Variants in MED1 observed in about 807,000 individuals in gnomAD.
MED1 encodes mediator complex subunit 1.
Under a neutral mutation model 121.3 loss-of-function variants are expected in MED1, and 17 were observed. That is an observed-to-expected ratio of 0.14 (90% CI 0.10 to 0.21). The LOEUF (loss-of-function observed/expected upper bound fraction) is 0.21. MED1 is among the 10% of genes least tolerant of loss of function. The pLI is 1.00. For synonymous variants in MED1, 661 were observed against 694.4 expected, an observed-to-expected ratio of 0.95 and a Z score of 0.76; for missense variants, 1,558 against 1,919.4, an observed-to-expected ratio of 0.81 and a Z score of 3.52.
At chr17:39,439,247 A>G (rs2048649535) in intron 5 of MED1, 54 bp from the exon 6 acceptor site, 1 of 1,391,654 alleles carries the variant, frequency 7.2e-7, no homozygotes, top group Non-Finnish European at 9.8e-7. Context: ...GCAACTTTGA[A>G]GATATCAAAA....
chr17:39,450,618 G>A (rs974991138), intron 1 of MED1, among the ~76,000 whole-genome samples: 1 of 152,276 alleles, frequency 6.6e-6, no homozygotes, highest in East Asian at 1.9e-4. Flanking sequence ...CACAGGATCT[G>A]AACACTTGAC....
intron 12 of MED1, 94 bp downstream of exon 12, chr17:39,423,603 G>T (rs1012405909): frequency 3.3e-6 from 5 of 1,535,958 alleles, no homozygotes; most frequent in Non-Finnish European, 3.6e-6. Flanking sequence ...ACTTCAATGA[G>T]GCATGTAAGA....
intron 10 of MED1, among the ~76,000 whole-genome samples, chr17:39,425,854 CAAT>C (rs1301700968): frequency 6.6e-6 from 1 of 150,964 alleles, no homozygotes; most frequent in Non-Finnish European, 1.5e-5. Context: ...TCTAATCAAC[CAAT>C]AATTTTTGTC....
chr17:39,408,459 C>G lies in MED1; in HGVS notation c.3762G>C (p.Ser1254=), dbSNP rs751226812. 6.2e-6 allele frequency: 10 copies of G among 1,613,990 alleles called. No individual in the cohort carries two copies. The highest frequency in any genetic ancestry group is 8.5e-6 in the Non-Finnish European group (10 of 1,180,030). ...KSSSGLGSSG[S]LSQKTPPSSN... is the part of the protein sequence containing the mutation. Reference sequence around the variant, plus strand: ...ATGATGGGGGAGTTTTCTGGGACAACGAGCCTGAGGATCCTAACCCTGAAG... The same window carrying G: ...ATGATGGGGGAGTTTTCTGGGACAAGGAGCCTGAGGATCCTAACCCTGAAG... The change falls in exon 17 of 17, where the codon TCG becomes TCC. Residue 1254 remains serine (S), a synonymous_variant. Coordinates refer to ENST00000300651, the MANE Select transcript of MED1 (RefSeq NM_004774.4). The surrounding 1 kb of genome is among the most constrained non-coding windows in gnomAD (Gnocchi z 4.7).
rs1181535804 is a variant in MED1, at chr17:39,405,234, G to T, written c.*2241C>A. On this transcript the variant is annotated 3_prime_UTR_variant, in exon 17 of 17. Transcript: ENST00000300651. Reference sequence around the variant, plus strand: ...CCTGTTAAGCAAGTTCAGATGCTGGGTCAGTGTGGGGGTGAGCCCATCGAC... The same window carrying T: ...CCTGTTAAGCAAGTTCAGATGCTGGTTCAGTGTGGGGGTGAGCCCATCGAC... The T allele has an allele frequency of 1.9e-6, 3 of 1,589,790 alleles. No individual in the cohort carries two copies. Among genetic ancestry groups the T allele is most frequent in the Non-Finnish European group, 1.7e-6 (2 of 1,167,898 alleles).
At chr17:39,444,213 A>G (rs2048705091) in intron 2 of MED1, among the ~76,000 whole-genome samples, 1 of 152,168 alleles carries the variant, frequency 6.6e-6, no homozygotes, top group South Asian at 2.1e-4. Flanking sequence ...TGACTCTAAA[A>G]AACAGAACAT....
chr17:39,445,502 A>G (rs12150047), intron 2 of MED1: 119,393 of 151,846 alleles, frequency 0.79, 47,448 homozygotes, highest in South Asian at 0.92. Flanking sequence ...GTGAACCACC[A>G]CGCCCAGCCA....
chr17:39,427,338 T>G (rs2048524061), intron 10 of MED1: 1 of 154,678 alleles, frequency 6.5e-6, no homozygotes, highest in South Asian at 1.9e-4. Context: ...CGTACCACCA[T>G]GCTTGGGTAA....
rs749621731 is a variant in MED1, at chr17:39,443,632, T to G, written c.133-4A>C. The G allele has an allele frequency of 1.9e-6, 3 of 1,612,890 alleles. No individual in the cohort carries two copies. The highest frequency in any genetic ancestry group is 2.5e-6 in the Non-Finnish European group (3 of 1,179,008). ...AACTCATCACAACCCTCTTCTCCTG[T>G]GTCAAGTGGGAAAACATTTGAGGTG... On this transcript the variant is annotated splice_polypyrimidine_tract_variant and splice_region_variant and intron_variant, in intron 2 of 16. Transcript: ENST00000300651.
intron 2 of MED1, among the ~76,000 whole-genome samples, chr17:39,444,892 A>C (rs1359374229): frequency 6.6e-6 from 1 of 151,916 alleles, no homozygotes; most frequent in East Asian, 1.9e-4. Context: ...CAAACAAACA[A>C]ACAAAAAAAA....
Position 39,406,282 on chromosome 17 carries a change from C to T in MED1, c.*1193G>A, listed in dbSNP as rs946516160. 77 of 985,356 alleles carry T rather than the reference C, an allele frequency of 7.8e-5. No individual in the cohort carries two copies. Among genetic ancestry groups the T allele is most frequent in the East Asian group, 1.1e-4 (1 of 8,954 alleles). 61.0% of individuals were successfully genotyped at this position (985,356 alleles called of 1,614,324 possible). A position where few individuals can be genotyped will look rare whatever the true frequency, so the allele number is the denominator to read the frequency against. On this transcript the variant is annotated 3_prime_UTR_variant, in exon 17 of 17. Transcript: ENST00000300651. ...AATTGTTTTAAGTGAACTATGGCTGCGGATTTTTTACTGTTTTATCTCAGG... is the reference window on the plus strand; with the variant it reads ...AATTGTTTTAAGTGAACTATGGCTGTGGATTTTTTACTGTTTTATCTCAGG...
chr17:39,416,409 C>T (rs1233057949), intron 14 of MED1, among the ~76,000 whole-genome samples: 1 of 152,118 alleles, frequency 6.6e-6, no homozygotes, highest in Non-Finnish European at 1.5e-5. Context: ...TGTATTTATT[C>T]CACATATATC....
Position 39,435,627 on chromosome 17 carries a change from A to G in MED1, c.429-1307T>C, listed in dbSNP as rs80168089. Among the ~76,000 whole-genome samples, 435 of 152,304 alleles carry G rather than the reference A, an allele frequency of 2.9e-3. 2 individuals are homozygous for G. In the Middle Eastern group the frequency reaches 0.065, roughly 23 times the overall value. On this transcript the variant is annotated intron_variant, in intron 6 of 16. Transcript: ENST00000300651. ...AAAGAAACGAGTAGCAGCAAAATAT[A>G]TTCTTTAACTTAATATTACCATCTA...
chr17:39,427,506 T>C (rs2048525373), intron 10 of MED1, 195 bp downstream of exon 10: 7 of 406,470 alleles, frequency 1.7e-5, no homozygotes, highest in South Asian at 3.7e-5. Flanking sequence ...GCTCCTATTA[T>C]GTATGTGTGT....
intron 5 of MED1, among the ~76,000 whole-genome samples, chr17:39,439,659 C>A (rs560814776): frequency 3.9e-5 from 6 of 152,016 alleles, no homozygotes; most frequent in Non-Finnish European, 8.8e-5. Flanking sequence ...AGGGTTCCTG[C>A]CGGTGCAGTG....
At position 39,424,631 on chromosome 17, in the gene MED1, T is replaced by G; in HGVS notation, c.847A>C (p.Lys283Gln). 6.4e-7 allele frequency: 1 copy of G among 1,570,740 alleles called. No individual in the cohort carries two copies. Among genetic ancestry groups the G allele is most frequent in the Non-Finnish European group, 8.7e-7 (1 of 1,149,776 alleles). ...LIMGSHPVDN[K>Q]WTPSFSSITS... is the part of the protein sequence containing the mutation. ...CTAAAATTATATTTAACTTACCATTTATTGTCAACTGGATGTGACCCCATA... is the reference window on the plus strand; with the variant it reads ...CTAAAATTATATTTAACTTACCATTGATTGTCAACTGGATGTGACCCCATA... Residue 283 changes from lysine to glutamine, a missense_variant, in exon 11 of 17, where the codon AAA (lysine) becomes CAA (glutamine). Physicochemically the swap from Lys to Gln is moderately conservative, Grantham distance 53 (BLOSUM62 1). Coordinates refer to ENST00000300651, the MANE Select transcript of MED1 (RefSeq NM_004774.4).
intron 9 of MED1, among the ~76,000 whole-genome samples, chr17:39,429,869 T>C (rs2048549731): frequency 1.3e-5 from 2 of 151,848 alleles, no homozygotes; most frequent in African/African-American, 2.4e-5. Flanking sequence ...GGAAGATCAC[T>C]TGATCCCAGT....
chr17:39,424,614 A>C lies in MED1; in HGVS notation c.851+13T>G, dbSNP rs377022741. 2 of 1,529,004 alleles carry C rather than the reference A, an allele frequency of 1.3e-6. No individual in the cohort carries two copies. The highest frequency in any genetic ancestry group is 1.7e-4 in the Middle Eastern group (1 of 5,874). 94.7% of individuals were successfully genotyped at this position (1,529,004 alleles called of 1,614,324 possible). On this transcript the variant is annotated intron_variant, in intron 11 of 16. Transcript: ENST00000300651. ...AAATTGACTTTGCTACTCTAAAATT[A>C]TATTTAACTTACCATTTATTGTCAA...
intron 3 of MED1, among the ~76,000 whole-genome samples, 171 bp downstream of exon 3, chr17:39,443,379 G>A (rs1396529128): frequency 6.6e-6 from 1 of 152,084 alleles, no homozygotes; most frequent in Non-Finnish European, 1.5e-5. Flanking sequence ...AAAAATAAAT[G>A]TTTCAAACTT....
Sources: gnomAD v4.1 joint callset for allele counts (sites outside exome capture counted in the v4.1 genomes callset) on GRCh38, gnomAD v4.1.1 for gene constraint, Gnocchi (gnomAD v3.1) non-coding constraint, MANE v1.5 for transcripts, NCBI Gene and HGNC (gene_info 2026-07-23, HGNC 2026-07-21) for gene names.